Variants in SLC25A28 observed in about 807,000 individuals in gnomAD.
SLC25A28 encodes the protein solute carrier family 25 member 28.
Under a neutral mutation model 31.9 loss-of-function variants are expected in SLC25A28, and 10 were observed. The observed-to-expected ratio is 0.31, with a 90% CI of 0.19 to 0.53. The LOEUF (loss-of-function observed/expected upper bound fraction) is 0.53. Among genes scored for constraint, SLC25A28 ranks in the 20% least tolerant of loss-of-function variants. SLC25A28 has a pLI of 0.95. For missense variants in SLC25A28, 256 were observed against 490.3 expected (o/e 0.52, Z 4.51); for synonymous variants, 208 against 203.6 (o/e 1.02, Z -0.19).
chr10:99,627,959 C>G, the SLC25A28 span, among the ~76,000 whole-genome samples: 2 of 152,128 alleles, frequency 1.3e-5, no homozygotes, highest in Admixed American at 1.3e-4. Flanking sequence ...GATTTTTGAT[C>G]CCACAAATAA....
At chr10:99,643,003 C>T in the SLC25A28 span, among the ~76,000 whole-genome samples, 129,921 of 152,048 alleles carry the variant, frequency 0.85, 55,614 homozygotes, top group Middle Eastern at 0.92. Context: ...TCGATGTTCA[C>T]CAGGGATATT....
chr10:99,641,099 T>C, the SLC25A28 span, among the ~76,000 whole-genome samples: 1 of 152,210 alleles, frequency 6.6e-6, no homozygotes, highest in East Asian at 1.9e-4. Flanking sequence ...GATGGCTGGG[T>C]CAGATGGTAT....
At chr10:99,618,443 T>A in intron 1 of SLC25A28, 3 of 985,456 alleles carry the variant, frequency 3.0e-6, no homozygotes, top group Non-Finnish European at 3.6e-6. Context: ...ACAGTCTAAG[T>A]CTAGGGAGGT....
At chr10:99,621,148 G>C (rs1015954278), upstream of SLC25A28, 10 of 239,250 alleles carry the variant, frequency 4.2e-5, no homozygotes, top group African/African-American at 1.2e-4. Flanking sequence ...TCACCTCCAG[G>C]GGGGACCGCG....
At chr10:99,655,403 T>G in the SLC25A28 span, among the ~76,000 whole-genome samples, 1 of 152,182 alleles carries the variant, frequency 6.6e-6, no homozygotes. Flanking sequence ...GAATTATAAG[T>G]TAATATAGTT....
the SLC25A28 span, among the ~76,000 whole-genome samples, chr10:99,648,948 T>C: frequency 6.6e-6 from 1 of 152,162 alleles, no homozygotes; most frequent in Non-Finnish European, 1.5e-5. Context: ...ATGCCTTTTA[T>C]TTTTTTCTCT....
the SLC25A28 span, among the ~76,000 whole-genome samples, chr10:99,637,605 A>G: frequency 4.8e-4 from 73 of 152,362 alleles, no homozygotes; most frequent in Non-Finnish European, 7.8e-4. Flanking sequence ...TACAAGATTA[A>G]TGTACACAAA....
chr10:99,614,063 T>C (rs1330810584), intron 1 of SLC25A28, 139 bp from the exon 2 acceptor site: 3 of 1,043,172 alleles, frequency 2.9e-6, no homozygotes, highest in South Asian at 1.7e-5. Flanking sequence ...TTCCAATCTA[T>C]AGCTGATCTT....
the SLC25A28 span, among the ~76,000 whole-genome samples, chr10:99,656,867 T>C: frequency 6.6e-6 from 1 of 152,242 alleles, no homozygotes; most frequent in East Asian, 1.9e-4. Flanking sequence ...GCTTTTTAAT[T>C]TGCCCTGCTG....
chr10:99,645,827 C>T, the SLC25A28 span, among the ~76,000 whole-genome samples: 1 of 152,210 alleles, frequency 6.6e-6, no homozygotes, highest in Non-Finnish European at 1.5e-5. Context: ...TGGAGGTCCA[C>T]TCCAGACTCT....
chr10:99,622,724 T>G (rs1002708325), upstream of SLC25A28: 2 of 985,052 alleles, frequency 2.0e-6, no homozygotes, highest in Non-Finnish European at 2.4e-6. Context: ...GGAACATCCC[T>G]AAACGTTTAA....
At position 99,613,667 on chromosome 10, in the gene SLC25A28, G is replaced by T. The variant is rs369033014; in HGVS notation, c.520+29C>A. The T allele has an allele frequency of 1.2e-6, 2 of 1,613,944 alleles. No individual in the cohort carries two copies. Among genetic ancestry groups the T allele is most frequent in the African/African-American group, 1.3e-5 (1 of 74,946 alleles). ...GCAAAGCCCAAAGAGTTGGGAAAGT[G>T]GGGGAACCAGCACAGGAAGGCTCAA... On this transcript the variant is annotated intron_variant, in intron 2 of 3. Coordinates refer to ENST00000370495, the MANE Select transcript of SLC25A28 (RefSeq NM_031212.4). This position sits in a 1 kb window ranked among gnomAD's most constrained non-coding sequence, Gnocchi z 4.9.
rs2034574709 is a variant in SLC25A28 at position 99,613,347 on chromosome 10, C to T, written c.520+349G>A. 8.7e-7 allele frequency: 1 copy of T among 1,148,338 alleles called. No individual in the cohort carries two copies. The highest frequency in any genetic ancestry group is 1.6e-5 in the African/African-American group (1 of 62,336). The allele number at this position is 1,148,338 out of a possible 1,614,324, so 71.1% of individuals were successfully genotyped here. On this transcript the variant is annotated intron_variant, in intron 2 of 3. Coordinates refer to ENST00000370495, the MANE Select transcript of SLC25A28 (RefSeq NM_031212.4). This position sits in a 1 kb window ranked among gnomAD's most constrained non-coding sequence, Gnocchi z 4.9. ...CTGGCTGGGTCGCCTCCAATCCTGC[C>T]CTAAGGAGCAGGACACCACCCAACT...
Position 99,610,691 on chromosome 10 carries a change from T to C in SLC25A28, c.*158A>G. On this transcript the variant is annotated 3_prime_UTR_variant, in exon 4 of 4. Transcript: ENST00000370495. ...GAAGGAAAGGTGGTGGCAACAGAGG[T>C]TGGCAGGAACTGGTGTTAGTCAAAA... 3 of 822,750 alleles carry C rather than the reference T, an allele frequency of 3.6e-6. No individual in the cohort carries two copies. The highest frequency in any genetic ancestry group is 5.6e-6 in the Non-Finnish European group (3 of 531,926). 51.0% of individuals were successfully genotyped at this position (822,750 alleles called of 1,614,324 possible).
chr10:99,641,641 C>T, the SLC25A28 span, among the ~76,000 whole-genome samples: 1 of 152,100 alleles, frequency 6.6e-6, no homozygotes, highest in African/African-American at 2.4e-5. Flanking sequence ...AAGTCCTTGC[C>T]CATGCCTATG....
the SLC25A28 span, among the ~76,000 whole-genome samples, chr10:99,647,579 T>A: frequency 6.6e-6 from 1 of 152,220 alleles, no homozygotes. Context: ...GTTGTATGCA[T>A]AATTTGCAAA....
At chr10:99,648,686 G>GGT in the SLC25A28 span, among the ~76,000 whole-genome samples, 1 of 119,806 alleles carries the variant, frequency 8.3e-6, no homozygotes, top group Non-Finnish European at 1.7e-5. Flanking sequence ...ATATTCCTAG[G>GGT]TTTTTTTTTT....
the SLC25A28 span, among the ~76,000 whole-genome samples, chr10:99,653,578 A>C: frequency 6.6e-6 from 1 of 152,238 alleles, no homozygotes; most frequent in African/African-American, 2.4e-5. Flanking sequence ...ATGTAGCAAC[A>C]GATAAGTAAT....
Position 99,610,651 on chromosome 10 carries a change from C to T in SLC25A28, c.*198G>A, listed in dbSNP as rs1343705500. 4.8e-6 allele frequency: 3 copies of T among 621,392 alleles called. No homozygotes were observed. Among genetic ancestry groups the T allele is most frequent in the East Asian group, 2.8e-5 (1 of 35,934 alleles). 38.5% of individuals were successfully genotyped at this position (621,392 alleles called of 1,614,324 possible). On this transcript the variant is annotated 3_prime_UTR_variant, in exon 4 of 4. Transcript: ENST00000370495. ...AGGTGCTGTGGTGTGCTTTGCTGCA[C>T]GTGCTTAGGGCCTGGAAGGAAAGGT...
Sources: gnomAD v4.1 joint callset for allele counts (sites outside exome capture counted in the v4.1 genomes callset) on GRCh38, gnomAD v4.1.1 for gene constraint, Gnocchi (gnomAD v3.1) non-coding constraint, MANE v1.5 for transcripts, NCBI Gene and HGNC (gene_info 2026-07-23, HGNC 2026-07-21) for gene names.